Variants in DLGAP2 observed in about 807,000 individuals in gnomAD.
DLGAP2 encodes the protein disks large-associated protein 2.
DLGAP2 carries 26 observed loss-of-function variants against 100.3 expected under a neutral mutation model. The ratio of observed to expected loss-of-function variants is 0.26; its 90% CI spans 0.19 to 0.36. The LOEUF (loss-of-function observed/expected upper bound fraction) is 0.36, where lower values mean the gene tolerates loss of function less well. Among genes scored for constraint, DLGAP2 ranks in the 10% least tolerant of loss-of-function variants. The pLI, the probability that DLGAP2 is intolerant of heterozygous loss-of-function variation, is 1.00. For synonymous variants in DLGAP2, 886 were observed against 630.1 expected (o/e 1.41, Z -6.08); for missense variants, 1,858 against 1,453.2 (o/e 1.28, Z -4.53).
intron 1 of DLGAP2, among the ~76,000 whole-genome samples, chr8:801,135 C>T (rs188043915): frequency 1.4e-3 from 213 of 152,334 alleles, no homozygotes; most frequent in Non-Finnish European, 2.6e-3. Flanking sequence ...AGACCGAAGG[C>T]GTTGTGCCTG....
chr8:829,007 G>C (rs1465615296), intron 1 of DLGAP2, among the ~76,000 whole-genome samples: 1 of 152,118 alleles, frequency 6.6e-6, no homozygotes, highest in African/African-American at 2.4e-5. Context: ...TTTGGGAATG[G>C]CTTCTAATTT....
intron 4 of DLGAP2, among the ~76,000 whole-genome samples, chr8:1,547,931 G>C (rs1486739186): frequency 6.6e-6 from 1 of 152,186 alleles, no homozygotes; most frequent in Non-Finnish European, 1.5e-5. Context: ...GAGCTTACTA[G>C]ACAATATCAC....
chr8:1,117,303 C>T (rs1805148288), intron 2 of DLGAP2, among the ~76,000 whole-genome samples: 1 of 152,244 alleles, frequency 6.6e-6, no homozygotes, highest in South Asian at 2.1e-4. Flanking sequence ...CAGATCCCAC[C>T]ACTCAGAGGT....
intron 12 of DLGAP2, among the ~76,000 whole-genome samples, chr8:1,682,057 C>G (rs1044201751): frequency 6.6e-6 from 1 of 152,206 alleles, no homozygotes; most frequent in African/African-American, 2.4e-5. Context: ...GGGAAGCACC[C>G]CCTCCACTGC....
intron 1 of DLGAP2, among the ~76,000 whole-genome samples, chr8:902,434 T>G (rs1563087265): frequency 3.4e-5 from 5 of 145,312 alleles, no homozygotes; most frequent in South Asian, 2.3e-4. Flanking sequence ...TGGTGGAGAG[T>G]GGGGGGTCCA....
chr8:1,442,438 A>G (rs6985404), intron 3 of DLGAP2, among the ~76,000 whole-genome samples: 100 of 92,292 alleles, frequency 1.1e-3, no homozygotes, highest in African/African-American at 1.7e-3. Flanking sequence ...CAGCCACTGG[A>G]GGAGACGGAT....
chr8:1,147,101 G>A (rs1261517175), intron 2 of DLGAP2, among the ~76,000 whole-genome samples: 1 of 152,182 alleles, frequency 6.6e-6, no homozygotes, highest in African/African-American at 2.4e-5. Flanking sequence ...CTTATATTGA[G>A]TCTTTCAAAT....
chr8:1,409,597 G>A (rs1350010110), intron 3 of DLGAP2, among the ~76,000 whole-genome samples: 3 of 152,220 alleles, frequency 2.0e-5, no homozygotes, highest in Non-Finnish European at 4.4e-5. Context: ...TGGGATAGGG[G>A]ATGCCCACAG....
chr8:1,180,809 A>T (rs905034363), intron 2 of DLGAP2, among the ~76,000 whole-genome samples: 1 of 151,908 alleles, frequency 6.6e-6, no homozygotes, highest in African/African-American at 2.4e-5. Context: ...CAGTACACTT[A>T]CCGTTGAGTG....
intron 2 of DLGAP2, among the ~76,000 whole-genome samples, chr8:1,198,392 G>C (rs1446571647): frequency 1.3e-5 from 2 of 152,186 alleles, no homozygotes; most frequent in East Asian, 1.9e-4. Flanking sequence ...TTTCCACAGA[G>C]AGCTGCCTGG....
intron 3 of DLGAP2, among the ~76,000 whole-genome samples, chr8:1,332,039 C>T (rs1801168772): frequency 1.3e-5 from 2 of 152,232 alleles, no homozygotes. Context: ...TGCTGGTGAA[C>T]CAGTGTTGGG....
At chr8:1,214,612 A>AT (rs1201845461) in intron 2 of DLGAP2, among the ~76,000 whole-genome samples, 1 of 152,114 alleles carries the variant, frequency 6.6e-6, no homozygotes, top group African/African-American at 2.4e-5. Flanking sequence ...CAATTAATTG[A>AT]TCATGTGTCT....
intron 3 of DLGAP2, among the ~76,000 whole-genome samples, chr8:1,380,655 C>T (rs1033388417): frequency 3.3e-5 from 5 of 152,226 alleles, no homozygotes; most frequent in African/African-American, 7.2e-5. Flanking sequence ...ATTAAAAGTT[C>T]GCCGAGGTGT....
intron 2 of DLGAP2, among the ~76,000 whole-genome samples, chr8:1,003,992 C>A (rs760055651): frequency 2.8e-4 from 42 of 152,206 alleles, no homozygotes; most frequent in Non-Finnish European, 5.6e-4. Context: ...TATTTCAATT[C>A]TTTTTTACCA....
At chr8:1,521,169 GGCATCTGGTTTGC>G (rs1800583735) in intron 4 of DLGAP2, among the ~76,000 whole-genome samples, 1 of 145,184 alleles carries the variant, frequency 6.9e-6, no homozygotes, top group Non-Finnish European at 1.5e-5. Flanking sequence ...GGTGATATGG[GGCATCTGGTTTGC>G]ACACTTGTTT....
At chr8:1,177,431 T>A (rs895214554) in intron 2 of DLGAP2, among the ~76,000 whole-genome samples, 1 of 152,136 alleles carries the variant, frequency 6.6e-6, no homozygotes, top group African/African-American at 2.4e-5. Flanking sequence ...CTCCTGACTT[T>A]CCCACCATCT....
At chr8:745,769 T>C (rs1339631930) in intron 1 of DLGAP2, among the ~76,000 whole-genome samples, 1 of 152,204 alleles carries the variant, frequency 6.6e-6, no homozygotes, top group African/African-American at 2.4e-5. Context: ...CCTAATTCTA[T>C]AAGAAGGTGT....
chr8:1,544,096 G>T (rs1248427643), intron 4 of DLGAP2, among the ~76,000 whole-genome samples: 1 of 151,880 alleles, frequency 6.6e-6, no homozygotes, highest in Non-Finnish European at 1.5e-5. Context: ...TAAAGACAGG[G>T]TTTGCCATGT....
chr8:1,027,680 G>A (rs1203339448), intron 2 of DLGAP2, among the ~76,000 whole-genome samples: 2 of 146,538 alleles, frequency 1.4e-5, no homozygotes, highest in African/African-American at 2.6e-5. Flanking sequence ...CAGCTGGGGT[G>A]CCAGGCGCCC....
Sources: allele counts gnomAD v4.1 joint callset (sites outside exome capture counted in the v4.1 genomes callset), GRCh38; gene constraint gnomAD v4.1.1; transcripts MANE v1.5; gene names NCBI Gene and HGNC (gene_info 2026-07-23, HGNC 2026-07-21).